CCDC88C: variants seen among roughly 807,000 people sequenced by gnomAD.
CCDC88C encodes the protein protein Daple.
A neutral mutation model predicts 198.8 loss-of-function variants in CCDC88C; 131 were observed. The ratio of observed to expected loss-of-function variants is 0.66; its 90% CI spans 0.57 to 0.76. The LOEUF (loss-of-function observed/expected upper bound fraction) is 0.76, where lower values mean the gene tolerates loss of function less well. Ranked by LOEUF, CCDC88C falls within the 30% of genes least tolerant of loss-of-function variation. The pLI, the probability that CCDC88C is intolerant of heterozygous loss-of-function variation, is 0.00. For synonymous variants in CCDC88C, 1,166 were observed against 1,114.7 expected (o/e 1.05, Z -0.92); for missense variants, 2,553 against 2,631.6 (o/e 0.97, Z 0.65).
In CCDC88C at chr14:91,283,350, G is replaced by A. The variant is rs770687824; in HGVS notation, c.4609C>T (p.Arg1537Trp). Reference protein sequence around the residue: ...TAPSNSTPIARHPGRTKGYNS... With the variant: ...TAPSNSTPIAWHPGRTKGYNS... ...TCACCTTTGGTGCGGCCTGGGTGCC[G>A]GGCGATGGGGGTGGAGTTGGAAGGG... The change falls in exon 26 of 30, where the codon CGG becomes TGG. Residue 1537 changes from arginine (R) to tryptophan (W), a missense_variant. By Grantham distance (101) the Arg-to-Trp change is moderately radical. Coordinates refer to ENST00000389857, the MANE Select transcript of CCDC88C (RefSeq NM_001080414.4). The A allele has an allele frequency of 1.7e-5, 28 of 1,613,538 alleles. No individual in the cohort carries two copies. Among genetic ancestry groups the A allele is most frequent in the South Asian group, 1.2e-4 (11 of 91,012 alleles).
At chr14:91,409,509 A>G (rs2140015156) in intron 2 of CCDC88C, among the ~76,000 whole-genome samples, 1 of 139,574 alleles carries the variant, frequency 7.2e-6, no homozygotes, top group South Asian at 2.3e-4. Flanking sequence ...TTTTTTTGAG[A>G]CGGAGTCTTG....
chr14:91,342,234 G>A (rs1893341407), intron 6 of CCDC88C, 146 bp downstream of exon 6: 1 of 566,278 alleles, frequency 1.8e-6, no homozygotes, highest in African/African-American at 1.9e-5. Context: ...GAATCAATGT[G>A]TCTGTGGTGT....
intron 23 of CCDC88C, among the ~76,000 whole-genome samples, chr14:91,293,308 CCACCTTCCCATCCTCACCTGCCAAAGCT>C (rs1596031373): frequency 7.1e-5 from 5 of 70,166 alleles, no homozygotes; most frequent in African/African-American, 1.3e-4. Context: ...CTGCCACGGC[CCACCTTCCCATCCTCACCTGCCAAAGCT>C]CACCTTCCTG....
At chr14:91,361,890 G>C (rs535519638) in intron 3 of CCDC88C, among the ~76,000 whole-genome samples, 12 of 152,164 alleles carry the variant, frequency 7.9e-5, no homozygotes, top group Non-Finnish European at 1.5e-4. Context: ...TGAAAGGAGA[G>C]TGCCCAATGA....
rs777437894 is a variant in CCDC88C, at chr14:91,324,795, G to A, written c.1326C>T (p.Asn442=). The A allele has an allele frequency of 5.0e-6, 8 of 1,611,986 alleles. No homozygotes were observed. The highest frequency in any genetic ancestry group is 4.5e-5 in the East Asian group (2 of 44,900). ...LGWELEQLSK[N]ADLSDASRKS... is the part of the protein sequence containing the mutation. ...GCTACCTACCGTCTGACAAGTCTGC[G>A]TTCTTGGACAGCTGCTCCAGCTCCC... The change falls in exon 12 of 30, where the codon AAC becomes AAT. Residue 442 remains asparagine (N), a synonymous_variant. Coordinates refer to ENST00000389857, the MANE Select transcript of CCDC88C (RefSeq NM_001080414.4).
intron 3 of CCDC88C, among the ~76,000 whole-genome samples, chr14:91,378,344 A>G (rs977624802): frequency 1.3e-5 from 2 of 152,206 alleles, no homozygotes; most frequent in African/African-American, 4.8e-5. Flanking sequence ...ACGCCAGGCC[A>G]TCACAGCCTC....
chr14:91,373,676 C>T (rs534691090), intron 3 of CCDC88C, among the ~76,000 whole-genome samples: 2 of 152,102 alleles, frequency 1.3e-5, no homozygotes, highest in Admixed American at 6.6e-5. Flanking sequence ...GAGGGCATAT[C>T]GGGACACAGT....
chr14:91,377,647 G>T (rs1048356894), intron 3 of CCDC88C, among the ~76,000 whole-genome samples: 3 of 152,162 alleles, frequency 2.0e-5, no homozygotes, highest in Non-Finnish European at 4.4e-5. Context: ...GGTGGGGAGG[G>T]TTACAAGATG....
At chr14:91,348,084 C>T (rs183093494) in intron 4 of CCDC88C, among the ~76,000 whole-genome samples, 245 of 152,292 alleles carry the variant, frequency 1.6e-3, no homozygotes, top group Admixed American at 3.8e-3. Flanking sequence ...CAGCTCACTG[C>T]AACCTCTGCC....
chr14:91,272,451 C>A lies in CCDC88C; in HGVS notation c.*174G>T. 1.5e-6 allele frequency: 1 copy of A among 656,220 alleles called. No homozygotes were observed. The highest frequency in any genetic ancestry group is 2.5e-6 in the Non-Finnish European group (1 of 392,384). 40.6% of individuals were successfully genotyped at this position (656,220 alleles called of 1,614,324 possible). On this transcript the variant is annotated 3_prime_UTR_variant, in exon 30 of 30. Transcript: ENST00000389857. ...ACGTTACACACCTGGAAGCGTAATC[C>A]TCTTGGGGCTTGGCACAGTGTTTCC...
chr14:91,387,905 T>A (rs993196750), intron 3 of CCDC88C, among the ~76,000 whole-genome samples: 2 of 152,198 alleles, frequency 1.3e-5, no homozygotes, highest in Admixed American at 6.5e-5. Context: ...CGGAATCACC[T>A]CAGACAACGG....
At chr14:91,380,198 A>C (rs769897739) in intron 3 of CCDC88C, among the ~76,000 whole-genome samples, 116 of 152,348 alleles carry the variant, frequency 7.6e-4, no homozygotes, top group Admixed American at 1.2e-3. Flanking sequence ...GCAAGAGTAC[A>C]AATAACCTTT....
At chr14:91,310,355 C>T (rs1205869644) in intron 15 of CCDC88C, among the ~76,000 whole-genome samples, 1 of 152,086 alleles carries the variant, frequency 6.6e-6, no homozygotes, top group Admixed American at 6.6e-5. Context: ...CTTGTAGACA[C>T]TTTGAAACAG....
chr14:91,320,949 T>G (rs985496223), intron 13 of CCDC88C, among the ~76,000 whole-genome samples, 171 bp downstream of exon 13: 1 of 152,148 alleles, frequency 6.6e-6, no homozygotes, highest in Non-Finnish European at 1.5e-5. Context: ...CAGTCCTCAC[T>G]CCCATTCCTA....
At chr14:91,309,731 G>T (rs1424331674) in intron 16 of CCDC88C, 128 bp downstream of exon 16, 1 of 927,666 alleles carries the variant, frequency 1.1e-6, no homozygotes, top group Admixed American at 3.5e-5. Context: ...TGGGTTCAAG[G>T]AACCGCGTGA....
In CCDC88C at chr14:91,417,692, C is replaced by G; in HGVS notation, c.-2G>C. 6.5e-7 allele frequency: 1 copy of G among 1,540,696 alleles called. No homozygotes were observed. The highest frequency in any genetic ancestry group is 8.7e-7 in the Non-Finnish European group (1 of 1,148,022). On this transcript the variant is annotated 5_prime_UTR_variant, in exon 1 of 30. Coordinates refer to ENST00000389857, the MANE Select transcript of CCDC88C (RefSeq NM_001080414.4). The stretch of plus-strand genomic sequence containing the variant: ...GAGCTCCGAGACTGTCACGTCCATG[C>G]TGAGGCTGCGCCCGCCGGCTCCGCG...
At chr14:91,293,152 C>G (rs111657841) in intron 23 of CCDC88C, among the ~76,000 whole-genome samples, 4 of 139,926 alleles carry the variant, frequency 2.9e-5, no homozygotes, top group Non-Finnish European at 4.6e-5. Context: ...CCATCCTCAC[C>G]TGCCATAGCC....
At chr14:91,403,354 C>T (rs557501031) in intron 3 of CCDC88C, among the ~76,000 whole-genome samples, 39 of 152,318 alleles carry the variant, frequency 2.6e-4, no homozygotes, top group Middle Eastern at 6.8e-3. Flanking sequence ...AAGTGCTTCC[C>T]GCCATACAAA....
At chr14:91,351,330 C>A (rs1274680370) in intron 4 of CCDC88C, among the ~76,000 whole-genome samples, 2 of 152,190 alleles carry the variant, frequency 1.3e-5, no homozygotes, top group Admixed American at 6.5e-5. Context: ...GAACACGACC[C>A]TGTTGTCTCT....
Sources: allele counts gnomAD v4.1 joint callset (sites outside exome capture counted in the v4.1 genomes callset), GRCh38; gene constraint gnomAD v4.1.1; transcripts MANE v1.5; gene names NCBI Gene and HGNC (gene_info 2026-07-23, HGNC 2026-07-21).